MDGA2: variants seen among roughly 807,000 people sequenced by gnomAD.
The protein encoded by MDGA2 is MAM domain-containing glycosylphosphatidylinositol anchor protein 2.
Under a neutral mutation model 117.8 loss-of-function variants are expected in MDGA2, and 40 were observed. The ratio of observed to expected loss-of-function variants is 0.34; its 90% CI spans 0.26 to 0.44. The LOEUF (loss-of-function observed/expected upper bound fraction) is 0.44, where lower values mean the gene tolerates loss of function less well. MDGA2 is among the 20% of genes least tolerant of loss of function. The pLI, the probability that MDGA2 is intolerant of heterozygous loss-of-function variation, is 1.00. For missense variants in MDGA2, 1,123 were observed against 1,250.6 expected (o/e 0.90, Z 1.54); for synonymous variants, 452 against 439.0 (o/e 1.03, Z -0.37).
intron 5 of MDGA2, among the ~76,000 whole-genome samples, chr14:47,128,225 A>T (rs935305414): frequency 6.6e-6 from 1 of 152,048 alleles, no homozygotes; most frequent in African/African-American, 2.4e-5. Context: ...ATTATGTGTC[A>T]GATGATAGAA....
intron 10 of MDGA2, among the ~76,000 whole-genome samples, chr14:46,893,802 A>C (rs1882974475): frequency 6.6e-6 from 1 of 152,034 alleles, no homozygotes; most frequent in Non-Finnish European, 1.5e-5. Context: ...CTGTGTTTTT[A>C]GTACAAATTG....
chr14:47,178,973 A>G (rs1884591049), intron 3 of MDGA2, among the ~76,000 whole-genome samples: 2 of 152,086 alleles, frequency 1.3e-5, no homozygotes, highest in South Asian at 2.1e-4. Context: ...CATTAGAGAG[A>G]CATATGGGAG....
Position 47,476,045 on chromosome 14 carries a change from T to TA in MDGA2, c.281-174496dup, listed in dbSNP as rs558138624. On this transcript the variant is annotated intron_variant, in intron 1 of 16. Coordinates refer to ENST00000399232, the MANE Select transcript of MDGA2 (RefSeq NM_001113498.3). ...ATAAAATAAAAGAATAAACTTAAAG[T>TA]AAAAAAAATCAATTTAAAATCAATT... 1.5e-3 allele frequency among the ~76,000 whole-genome samples: 234 copies of TA among 152,040 alleles called. 1 individual carries two copies. The highest frequency in any genetic ancestry group is 2.5e-3 in the Non-Finnish European group (172 of 67,956).
intron 6 of MDGA2, among the ~76,000 whole-genome samples, chr14:47,091,467 T>C (rs957889314): frequency 2.0e-5 from 3 of 152,176 alleles, no homozygotes; most frequent in Non-Finnish European, 2.9e-5. Context: ...TATCTTAAGA[T>C]AGGGGAATCA....
At chr14:46,842,828 C>T (rs1342382737) in intron 16 of MDGA2, among the ~76,000 whole-genome samples, 1 of 152,162 alleles carries the variant, frequency 6.6e-6, no homozygotes, top group African/African-American at 2.4e-5. Context: ...CCATTTATTG[C>T]CTGGAAAGAA....
intron 8 of MDGA2, among the ~76,000 whole-genome samples, chr14:47,020,391 T>C (rs75531023): frequency 0.049 from 7,500 of 152,258 alleles, 238 homozygotes; most frequent in Middle Eastern, 0.078. Flanking sequence ...TTTCATAGGA[T>C]GGTACCCATC....
intron 1 of MDGA2, among the ~76,000 whole-genome samples, chr14:47,609,466 A>ATATATATATATATATATATAT (rs1566539792): frequency 2.9e-4 from 6 of 20,770 alleles, no homozygotes; most frequent in East Asian, 1.9e-3. Flanking sequence ...TATATATATA[A>ATATATATATATATATATATAT]GTTTCTTTAT....
intron 14 of MDGA2, among the ~76,000 whole-genome samples, chr14:46,859,335 T>A (rs1881413469): frequency 6.6e-6 from 1 of 152,168 alleles, no homozygotes; most frequent in Non-Finnish European, 1.5e-5. Context: ...GTATTATAAG[T>A]CTTGGTTTTT....
chr14:47,541,806 C>T (rs1342212688), intron 1 of MDGA2, among the ~76,000 whole-genome samples: 1 of 152,156 alleles, frequency 6.6e-6, no homozygotes, highest in East Asian at 1.9e-4. Flanking sequence ...AATCACTTCC[C>T]AATACTGTTC....
At chr14:46,962,672 T>C (rs1445013719) in intron 8 of MDGA2, among the ~76,000 whole-genome samples, 3 of 152,204 alleles carry the variant, frequency 2.0e-5, no homozygotes, top group Non-Finnish European at 4.4e-5. Context: ...TTTTACATAA[T>C]ATTTTGTCTA....
intron 1 of MDGA2, among the ~76,000 whole-genome samples, chr14:47,545,366 G>A (rs1388985534): frequency 6.6e-6 from 1 of 152,172 alleles, no homozygotes; most frequent in African/African-American, 2.4e-5. Flanking sequence ...TTTGTGGTCA[G>A]ATAGACTCAA....
intron 5 of MDGA2, among the ~76,000 whole-genome samples, chr14:47,098,263 A>AAG (rs2138984180): frequency 3.9e-5 from 4 of 103,778 alleles, no homozygotes; most frequent in African/African-American, 1.5e-4. Flanking sequence ...CCGTGTTTGA[A>AAG]AAAAAAAAAA....
At chr14:46,903,851 C>A (rs1428624763) in intron 10 of MDGA2, among the ~76,000 whole-genome samples, 2 of 151,986 alleles carry the variant, frequency 1.3e-5, no homozygotes, top group East Asian at 1.9e-4. Context: ...ACAGTTTTTT[C>A]AAGTTGAAAT....
intron 8 of MDGA2, among the ~76,000 whole-genome samples, chr14:46,974,056 T>C (rs1886365132): frequency 6.6e-6 from 1 of 151,768 alleles, no homozygotes. Context: ...TGCATTTCTA[T>C]ACACTAACAA....
intron 10 of MDGA2, among the ~76,000 whole-genome samples, chr14:46,909,915 T>G (rs1386555414): frequency 2.0e-5 from 3 of 152,282 alleles, no homozygotes; most frequent in African/African-American, 7.2e-5. Context: ...ACCTCATGGA[T>G]ATATTAGTAC....
chr14:46,987,941 C>T (rs770658841), intron 8 of MDGA2, among the ~76,000 whole-genome samples: 10 of 149,544 alleles, frequency 6.7e-5, no homozygotes, highest in South Asian at 2.1e-4. Flanking sequence ...GGGGGGTGCG[C>T]GCGTGTGTGT....
chr14:46,948,566 G>A (rs1885256038), intron 9 of MDGA2, among the ~76,000 whole-genome samples: 1 of 152,000 alleles, frequency 6.6e-6, no homozygotes, highest in African/African-American at 2.4e-5. Flanking sequence ...GCTTGAGGGA[G>A]TGTGGATGGA....
chr14:46,984,965 G>A (rs1886809446), intron 8 of MDGA2, among the ~76,000 whole-genome samples: 1 of 151,922 alleles, frequency 6.6e-6, no homozygotes, highest in Middle Eastern at 3.2e-3. Flanking sequence ...ACTAGTAATT[G>A]TTCTTTAAAT....
At chr14:47,531,055 C>A (rs919044210) in intron 1 of MDGA2, among the ~76,000 whole-genome samples, 2 of 152,070 alleles carry the variant, frequency 1.3e-5, no homozygotes, top group African/African-American at 4.8e-5. Flanking sequence ...ACCATCCTGG[C>A]TAACACGATG....
Sources: allele counts gnomAD v4.1 joint callset (sites outside exome capture counted in the v4.1 genomes callset), GRCh38; gene constraint gnomAD v4.1.1; transcripts MANE v1.5; gene names NCBI Gene and HGNC (gene_info 2026-07-23, HGNC 2026-07-21).